The following CFH variants were observed in gnomAD, a reference collection of about 807,000 sequenced individuals.
The protein encoded by CFH is H factor 1 (complement).
Under a neutral mutation model 147.3 loss-of-function variants are expected in CFH, and 53 were observed. The observed-to-expected ratio is 0.36, with a 90% CI of 0.29 to 0.45. The LOEUF is 0.45. CFH is among the 20% of genes least tolerant of loss of function. The pLI is 1.00. For synonymous variants in CFH, 536 were observed against 489.4 expected, an observed-to-expected ratio of 1.10 and a Z score of -1.26; for missense variants, 1,380 against 1,498.0, an observed-to-expected ratio of 0.92 and a Z score of 1.30.
chr1:196,687,804 A>G (rs776676837), intron 7 of CFH, among the ~76,000 whole-genome samples: 1 of 152,086 alleles, frequency 6.6e-6, no homozygotes, highest in Non-Finnish European at 1.5e-5. Flanking sequence ...AGACTAAGTA[A>G]ATGTTTTAAT....
intron 10 of CFH, among the ~76,000 whole-genome samples, chr1:196,714,311 T>A (rs1332940541): frequency 6.6e-6 from 1 of 151,932 alleles, no homozygotes; most frequent in Admixed American, 6.6e-5. Context: ...GGATGCCTAG[T>A]GCATAACATC....
intron 1 of CFH, 149 bp from the exon 2 acceptor site, chr1:196,672,829 T>C: frequency 1.6e-6 from 1 of 620,380 alleles, no homozygotes; most frequent in Non-Finnish European, 2.8e-6. Flanking sequence ...GTTTACTCCA[T>C]AGATATGGGG....
chr1:196,703,425 A>T (rs183613422), intron 9 of CFH, among the ~76,000 whole-genome samples: 1 of 152,154 alleles, frequency 6.6e-6, no homozygotes, highest in Non-Finnish European at 1.5e-5. Flanking sequence ...GATACTAAAG[A>T]AAAAGACCAG....
chr1:196,710,160 T>C (rs963206577), intron 9 of CFH, among the ~76,000 whole-genome samples: 1 of 152,064 alleles, frequency 6.6e-6, no homozygotes, highest in Non-Finnish European at 1.5e-5. Flanking sequence ...CCCTGACCAA[T>C]TGACAACCCA....
intron 15 of CFH, among the ~76,000 whole-genome samples, chr1:196,731,692 C>A (rs987468775): frequency 1.3e-5 from 2 of 151,936 alleles, no homozygotes; most frequent in Admixed American, 6.6e-5. Flanking sequence ...TGTCCTTATG[C>A]TCTCTCAGCT....
rs531620621 is a variant in CFH at position 196,690,476 on chromosome 1, G to T, written c.1336+237G>T. On this transcript the variant is annotated intron_variant, in intron 9 of 21. Coordinates refer to ENST00000367429, the MANE Select transcript of CFH (RefSeq NM_000186.4). ...GGCATTAGTCAAGAATACAGTAAAA[G>T]AATTTGAACACAATACTTGTTGGTT... 1.7e-3 allele frequency: 968 copies of T among 577,326 alleles called. 16 individuals are homozygous for T. The South Asian group carries it at 0.017, about 10-fold the overall frequency. The allele number at this position is 577,326 out of a possible 1,614,324, so 35.8% of individuals were successfully genotyped here. A position where few individuals can be genotyped will look rare whatever the true frequency, so the allele number is the denominator to read the frequency against.
chr1:196,668,654 C>G (rs1667177121), intron 1 of CFH, among the ~76,000 whole-genome samples: 1 of 152,130 alleles, frequency 6.6e-6, no homozygotes, highest in African/African-American at 2.4e-5. Context: ...TCTGGCATTT[C>G]CCCAACTTGC....
chr1:196,705,280 G>A (rs1055576885), intron 9 of CFH, among the ~76,000 whole-genome samples: 4 of 152,048 alleles, frequency 2.6e-5, no homozygotes, highest in Non-Finnish European at 4.4e-5. Context: ...ATATATTTTA[G>A]GTTTGAATTT....
chr1:196,652,404 G>T (rs1666531465), intron 1 of CFH, among the ~76,000 whole-genome samples: 1 of 151,846 alleles, frequency 6.6e-6, no homozygotes, highest in South Asian at 2.1e-4. Context: ...AGAATAAAAT[G>T]TTTTAATAAA....
At chr1:196,713,382 G>A (rs929136982) in intron 9 of CFH, among the ~76,000 whole-genome samples, 2 of 152,078 alleles carry the variant, frequency 1.3e-5, no homozygotes, top group African/African-American at 4.8e-5. Flanking sequence ...ATTGCCAGAA[G>A]ATCTACAATA....
chr1:196,715,600 T>C lies in CFH; in HGVS notation c.1527T>C (p.Cys509=). 6.2e-7 allele frequency: 1 copy of C among 1,610,726 alleles called. No individual in the cohort carries two copies. Among genetic ancestry groups the C allele is most frequent in the Non-Finnish European group, 8.5e-7 (1 of 1,177,410 alleles). The part of the protein sequence containing the change: ...WSAQPTCIKS[C]DIPVFMNART... The stretch of plus-strand genomic sequence containing the variant: ...AAATTTTTTATGCACTAGAATCTTG[T>C]GATATCCCAGTATTTATGAATGCCA... Residue 509 remains cysteine (C), a synonymous_variant, in exon 11 of 22, where the codon TGT becomes TGC. Transcript: ENST00000367429.
chr1:196,731,026 T>G (rs1170958798), intron 15 of CFH, among the ~76,000 whole-genome samples: 1 of 151,908 alleles, frequency 6.6e-6, no homozygotes, highest in Admixed American at 6.6e-5. Flanking sequence ...TTGATTTATT[T>G]AGTCATTCTA....
In CFH at chr1:196,743,704, G is replaced by A. The variant is rs556903084; in HGVS notation, c.3310+76G>A. 2,245 of 1,591,158 alleles carry A rather than the reference G, an allele frequency of 1.4e-3. 4 individuals are homozygous for A. Among genetic ancestry groups the A allele is most frequent in the Non-Finnish European group, 1.8e-3 (2,079 of 1,160,072 alleles). On this transcript the variant is annotated intron_variant, in intron 20 of 21. Transcript: ENST00000367429. ...AATATGTTGATTTAAACAAAATGAA[G>A]TCATTTTTATTAATAGATTTTTCAA...
intron 14 of CFH, among the ~76,000 whole-genome samples, chr1:196,727,743 G>A (rs2149109064): frequency 6.6e-6 from 1 of 152,260 alleles, no homozygotes; most frequent in Middle Eastern, 3.4e-3. Context: ...GCCAAAATAA[G>A]TGAATGTGCT....
At chr1:196,660,537 A>T (rs1473910082) in intron 1 of CFH, among the ~76,000 whole-genome samples, 1 of 152,192 alleles carries the variant, frequency 6.6e-6, no homozygotes, top group East Asian at 1.9e-4. Flanking sequence ...AAGTTTCATG[A>T]CCAAAGTGAC....
Position 196,692,796 on chromosome 1 carries a change from TTC to T in CFH, c.1336+2559_1336+2560del, listed in dbSNP as rs59864226. On this transcript the variant is annotated intron_variant, in intron 9 of 21. Transcript: ENST00000367429. ...TTTCTTTCTTTCTTTCTTTCTTTCT[TTC>T]TTTCTTTCTTTCTTTCTTTCTTTCT... 2.2e-3 allele frequency among the ~76,000 whole-genome samples: 206 copies of T among 95,468 alleles called. 1 individual carries two copies. Among genetic ancestry groups the T allele is most frequent in the Admixed American group, 3.2e-3 (26 of 8,072 alleles). The allele number at this position is 95,468 out of a possible 152,430, so 62.6% of individuals were successfully genotyped here.
chr1:196,677,862 A>C, intron 5 of CFH, 195 bp downstream of exon 5: 1 of 573,184 alleles, frequency 1.7e-6, no homozygotes, highest in Non-Finnish European at 3.1e-6. Context: ...TCCATGATTT[A>C]CTTACTCATC....
chr1:196,667,694 A>G (rs1667146663), intron 1 of CFH, among the ~76,000 whole-genome samples: 1 of 152,098 alleles, frequency 6.6e-6, no homozygotes, highest in Non-Finnish European at 1.5e-5. Context: ...GTAATTACTG[A>G]TACAGTTCAG....
chr1:196,738,144 G>T (rs1022985782), intron 17 of CFH, among the ~76,000 whole-genome samples: 7 of 152,100 alleles, frequency 4.6e-5, no homozygotes, highest in African/African-American at 1.4e-4. Flanking sequence ...ACAGAAGCAT[G>T]GGGATAACTG....
Sources: gnomAD v4.1 joint callset for allele counts (sites outside exome capture counted in the v4.1 genomes callset) on GRCh38, gnomAD v4.1.1 for gene constraint, MANE v1.5 for transcripts, NCBI Gene and HGNC (gene_info 2026-07-23, HGNC 2026-07-21) for gene names.